Variants in GTF2IRD1 observed in about 807,000 individuals in gnomAD.
The protein encoded by GTF2IRD1 is GTF2I repeat domain containing 1.
In GTF2IRD1, 26 loss-of-function variants were observed where a neutral mutation model predicts 113.2. The ratio of observed to expected loss-of-function variants is 0.23; its 90% CI spans 0.17 to 0.32. The LOEUF (loss-of-function observed/expected upper bound fraction) is 0.32, where lower values mean the gene tolerates loss of function less well. Ranked by LOEUF, GTF2IRD1 falls within the 10% of genes least tolerant of loss-of-function variation. The pLI is 1.00. For missense variants in GTF2IRD1, 864 were observed against 1,280.8 expected (o/e 0.67, Z 4.97); for synonymous variants, 484 against 529.1 (o/e 0.91, Z 1.17).
At chr7:74,594,561 C>T (rs587724729) in intron 24 of GTF2IRD1, among the ~76,000 whole-genome samples, 9 of 152,256 alleles carry the variant, frequency 5.9e-5, no homozygotes, top group Non-Finnish European at 1.3e-4. Flanking sequence ...TCTGTTGGGA[C>T]GTTGTGCCCC....
intron 3 of GTF2IRD1, among the ~76,000 whole-genome samples, chr7:74,514,544 G>A (rs990963905): frequency 3.3e-5 from 5 of 152,128 alleles, no homozygotes; most frequent in Non-Finnish European, 5.9e-5. Context: ...GGAGGGGGCC[G>A]CAGGCCCCTC....
chr7:74,531,337 C>T (rs1677435837), intron 9 of GTF2IRD1, among the ~76,000 whole-genome samples: 1 of 152,216 alleles, frequency 6.6e-6, no homozygotes, highest in South Asian at 2.1e-4. Context: ...CACAACTGCA[C>T]TCCAGCCTGG....
chr7:74,591,567 A>G (rs189905657), intron 24 of GTF2IRD1, among the ~76,000 whole-genome samples: 130 of 151,876 alleles, frequency 8.6e-4, no homozygotes, highest in Non-Finnish European at 4.7e-4. Context: ...TTTGGTAGAG[A>G]TGGAGTTTCA....
At chr7:74,532,421 G>A (rs901472033) in intron 9 of GTF2IRD1, among the ~76,000 whole-genome samples, 2 of 152,134 alleles carry the variant, frequency 1.3e-5, no homozygotes, top group Non-Finnish European at 2.9e-5. Flanking sequence ...AGGCCTGGTG[G>A]TATGCACCTG....
chr7:74,578,096 C>A (rs1197087182), intron 22 of GTF2IRD1, among the ~76,000 whole-genome samples: 1 of 152,178 alleles, frequency 6.6e-6, no homozygotes, highest in Non-Finnish European at 1.5e-5. Flanking sequence ...TGAGCCACCA[C>A]GCCAGGCTCA....
In GTF2IRD1 at chr7:74,519,724, C is replaced by G. The variant is rs1554345515; in HGVS notation, c.916+5C>G. 3.9e-6 allele frequency: 6 copies of G among 1,551,364 alleles called. No homozygotes were observed. The highest frequency in any genetic ancestry group is 5.2e-6 in the Non-Finnish European group (6 of 1,145,072). ...AAGACTTCTCCGACTGTTGTGGTAA[C>G]ATTGCTGCTGGGATCTCCAAGTCTA... On this transcript the variant is annotated splice_donor_5th_base_variant and intron_variant, in intron 6 of 26. Coordinates refer to ENST00000424337, the MANE Select transcript of GTF2IRD1 (RefSeq NM_005685.4).
At chr7:74,454,681 G>A (rs1281075275) in intron 1 of GTF2IRD1, among the ~76,000 whole-genome samples, 1 of 152,118 alleles carries the variant, frequency 6.6e-6, no homozygotes, top group Non-Finnish European at 1.5e-5. Context: ...GCCCCAGCAG[G>A]GTGGTTCCTG....
At chr7:74,539,763 G>T in intron 13 of GTF2IRD1, 116 bp from the exon 14 acceptor site, 1 of 639,952 alleles carries the variant, frequency 1.6e-6, no homozygotes, top group Non-Finnish European at 2.7e-6. Context: ...AAAAAAAAGA[G>T]ACAGAAAGAA....
intron 11 of GTF2IRD1, among the ~76,000 whole-genome samples, chr7:74,536,700 G>A (rs1488188713): frequency 6.6e-6 from 1 of 152,080 alleles, no homozygotes; most frequent in Admixed American, 6.6e-5. Context: ...CAGCTACTCG[G>A]GAGGCTGAGG....
intron 22 of GTF2IRD1, chr7:74,572,667 T>C: frequency 2.5e-6 from 1 of 398,858 alleles, no homozygotes; most frequent in Non-Finnish European, 3.4e-6. Flanking sequence ...CCTCCCTCTC[T>C]CAGCCTTCCC....
At chr7:74,558,156 G>A (rs1332526882) in intron 20 of GTF2IRD1, among the ~76,000 whole-genome samples, 2 of 151,640 alleles carry the variant, frequency 1.3e-5, no homozygotes, top group Non-Finnish European at 2.9e-5. Flanking sequence ...GTGCACACCT[G>A]TGGTCCCAGC....
At chr7:74,469,578 G>C (rs113461892) in intron 1 of GTF2IRD1, among the ~76,000 whole-genome samples, 13 of 152,142 alleles carry the variant, frequency 8.5e-5, no homozygotes, top group African/African-American at 2.7e-4. Context: ...ATGTGTTCAA[G>C]GTTCATCCAC....
intron 1 of GTF2IRD1, among the ~76,000 whole-genome samples, chr7:74,487,080 C>T (rs1795072220): frequency 6.6e-6 from 1 of 152,184 alleles, no homozygotes; most frequent in South Asian, 2.1e-4. Flanking sequence ...CTCTGTCACC[C>T]AGGTGGGAGT....
intron 25 of GTF2IRD1, 79 bp from the exon 26 acceptor site, chr7:74,600,965 C>G: frequency 1.3e-6 from 2 of 1,499,806 alleles, no homozygotes; most frequent in South Asian, 2.3e-5. Context: ...TAAGACAGAG[C>G]ACTTTTCCAG....
intron 7 of GTF2IRD1, among the ~76,000 whole-genome samples, chr7:74,523,685 C>T (rs1797422135): frequency 6.6e-6 from 1 of 152,034 alleles, no homozygotes; most frequent in Admixed American, 6.6e-5. Flanking sequence ...CACGCCACTG[C>T]ACTCCAGCCT....
At chr7:74,509,594 T>G (rs73364482) in intron 2 of GTF2IRD1, among the ~76,000 whole-genome samples, 3 of 152,080 alleles carry the variant, frequency 2.0e-5, no homozygotes, top group African/African-American at 7.2e-5. Flanking sequence ...TTAGCTGCGC[T>G]CCTGCATTTT....
intron 1 of GTF2IRD1, chr7:74,507,687 T>C (rs576993845): frequency 5.3e-6 from 1 of 187,028 alleles, no homozygotes; most frequent in East Asian, 1.5e-4. Context: ...GTAACTAGAA[T>C]ACCAGGCTGA....
At chr7:74,465,728 C>T (rs555674572) in intron 1 of GTF2IRD1, among the ~76,000 whole-genome samples, 1 of 152,082 alleles carries the variant, frequency 6.6e-6, no homozygotes, top group Non-Finnish European at 1.5e-5. Context: ...GGACACACCC[C>T]CTCTGTCCGT....
intron 20 of GTF2IRD1, among the ~76,000 whole-genome samples, chr7:74,558,304 C>G (rs587643998): frequency 3.7e-4 from 52 of 139,694 alleles, no homozygotes; most frequent in Middle Eastern, 4.0e-3. Context: ...AAAAATGGAG[C>G]ATATGACATG....
Sources: allele counts gnomAD v4.1 joint callset (sites outside exome capture counted in the v4.1 genomes callset), GRCh38; gene constraint gnomAD v4.1.1; transcripts MANE v1.5; gene names NCBI Gene and HGNC (gene_info 2026-07-23, HGNC 2026-07-21).